ADK: variants seen among roughly 807,000 people sequenced by gnomAD.
ADK encodes the protein N6,N6-dimethyladenosine kinase.
Under a neutral mutation model 44.7 loss-of-function variants are expected in ADK, and 24 were observed. The observed-to-expected ratio is 0.54, with a 90% CI of 0.39 to 0.76. The LOEUF is 0.76. Ranked by LOEUF, ADK falls within the 30% of genes least tolerant of loss-of-function variation. ADK has a pLI of 0.00. For synonymous variants in ADK, 128 were observed against 142.6 expected (o/e 0.90, Z 0.73); for missense variants, 321 against 425.1 (o/e 0.76, Z 2.15).
intron 1 of ADK, among the ~76,000 whole-genome samples, chr10:74,161,285 T>G (rs1041814202): frequency 6.6e-6 from 1 of 152,156 alleles, no homozygotes; most frequent in Admixed American, 6.5e-5. Context: ...CACTGCAACA[T>G]TCACCTCTCA....
At chr10:74,387,126 G>A (rs974712899) in intron 4 of ADK, among the ~76,000 whole-genome samples, 7 of 152,030 alleles carry the variant, frequency 4.6e-5, no homozygotes, top group Non-Finnish European at 7.4e-5. Flanking sequence ...TAGTAGAGAC[G>A]GTGTTTCACC....
chr10:74,550,877 G>A (rs936787579), intron 7 of ADK, among the ~76,000 whole-genome samples: 6 of 152,044 alleles, frequency 3.9e-5, no homozygotes, highest in African/African-American at 1.5e-4. Context: ...TTAGAGACAA[G>A]GTCTCGCTAT....
intron 4 of ADK, among the ~76,000 whole-genome samples, chr10:74,365,746 A>G (rs1346754204): frequency 2.6e-5 from 4 of 152,138 alleles, no homozygotes; most frequent in African/African-American, 9.7e-5. Flanking sequence ...GCTGGGTCAT[A>G]TGGTAATTCT....
intron 9 of ADK, among the ~76,000 whole-genome samples, chr10:74,627,216 C>G (rs953229913): frequency 2.0e-5 from 3 of 152,118 alleles, no homozygotes; most frequent in African/African-American, 7.2e-5. Context: ...TGGCTCTTGC[C>G]TGTAATCCCA....
chr10:74,178,131 G>T (rs1245240786), intron 1 of ADK, among the ~76,000 whole-genome samples: 1 of 151,632 alleles, frequency 6.6e-6, no homozygotes, highest in Non-Finnish European at 1.5e-5. Flanking sequence ...AGTAGAGATG[G>T]GGGTTTCACC....
At chr10:74,475,439 G>A (rs1019446459) in intron 6 of ADK, among the ~76,000 whole-genome samples, 1 of 152,110 alleles carries the variant, frequency 6.6e-6, no homozygotes, top group Non-Finnish European at 1.5e-5. Flanking sequence ...GACCAGGCAT[G>A]GTGACTCAAT....
chr10:74,190,294 A>G (rs1180520337), intron 1 of ADK, among the ~76,000 whole-genome samples: 1 of 152,182 alleles, frequency 6.6e-6, no homozygotes, highest in Non-Finnish European at 1.5e-5. Flanking sequence ...GTTGGAGCAC[A>G]CTTTCAGCAC....
At chr10:74,175,107 A>G (rs529728011) in intron 1 of ADK, among the ~76,000 whole-genome samples, 54 of 152,344 alleles carry the variant, frequency 3.5e-4, no homozygotes, top group African/African-American at 1.3e-3. Context: ...TAAAAAAGGT[A>G]AAAAAGAGGC....
At chr10:74,306,816 C>A (rs1840266713) in intron 3 of ADK, among the ~76,000 whole-genome samples, 1 of 152,150 alleles carries the variant, frequency 6.6e-6, no homozygotes. Flanking sequence ...CTGAAACAGT[C>A]CACCAGAATG....
intron 4 of ADK, among the ~76,000 whole-genome samples, chr10:74,320,574 A>G (rs1487906893): frequency 6.6e-6 from 1 of 151,602 alleles, no homozygotes; most frequent in East Asian, 1.9e-4. Context: ...TTTTTCTTTT[A>G]TTTTCTCTTT....
intron 6 of ADK, among the ~76,000 whole-genome samples, chr10:74,523,801 C>T (rs991487060): frequency 2.6e-5 from 4 of 152,160 alleles, no homozygotes; most frequent in African/African-American, 9.7e-5. Context: ...AAACAATTGC[C>T]AAGTCCTGTA....
chr10:74,232,349 T>G (rs1006717133), intron 3 of ADK, among the ~76,000 whole-genome samples: 44 of 151,932 alleles, frequency 2.9e-4, no homozygotes, highest in African/African-American at 1.0e-3. Flanking sequence ...CGAAACCCTG[T>G]CTCTACTAAA....
chr10:74,580,798 C>A (rs1286220709), intron 7 of ADK, among the ~76,000 whole-genome samples: 3 of 152,084 alleles, frequency 2.0e-5, no homozygotes, highest in Admixed American at 1.3e-4. Context: ...ATATTCTACA[C>A]CTAAAACATA....
intron 10 of ADK, among the ~76,000 whole-genome samples, chr10:74,705,802 A>T (rs1386004147): frequency 6.6e-6 from 1 of 152,228 alleles, no homozygotes; most frequent in African/African-American, 2.4e-5. Flanking sequence ...CACTTGTTAT[A>T]GTCAGTCTTT....
intron 3 of ADK, among the ~76,000 whole-genome samples, chr10:74,250,555 T>C (rs956753278): frequency 1.3e-5 from 2 of 152,142 alleles, no homozygotes; most frequent in African/African-American, 4.8e-5. Context: ...TGGGGACCTG[T>C]GGAAGATTTT....
chr10:74,360,934 G>T (rs1355863645), intron 4 of ADK, among the ~76,000 whole-genome samples: 1 of 152,124 alleles, frequency 6.6e-6, no homozygotes, highest in East Asian at 1.9e-4. Flanking sequence ...TTGAGATGGA[G>T]CCTCACTCTG....
At chr10:74,243,164 G>A (rs1845288819) in intron 3 of ADK, among the ~76,000 whole-genome samples, 1 of 152,224 alleles carries the variant, frequency 6.6e-6, no homozygotes, top group African/African-American at 2.4e-5. Context: ...AAAGACCACT[G>A]TAACACTTTC....
chr10:74,327,399 G>A (rs1037739392), intron 4 of ADK, among the ~76,000 whole-genome samples: 1 of 152,106 alleles, frequency 6.6e-6, no homozygotes, highest in African/African-American at 2.4e-5. Flanking sequence ...TAAGACTTAT[G>A]TTGTGGCTTA....
At chr10:74,459,208 G>A (rs1009412602) in intron 6 of ADK, among the ~76,000 whole-genome samples, 1 of 151,502 alleles carries the variant, frequency 6.6e-6, no homozygotes. Flanking sequence ...TTGAACCCAG[G>A]AGGCAGAGGT....
Sources: gnomAD v4.1 joint callset for allele counts (sites outside exome capture counted in the v4.1 genomes callset) on GRCh38, gnomAD v4.1.1 for gene constraint, MANE v1.5 for transcripts, NCBI Gene and HGNC (gene_info 2026-07-23, HGNC 2026-07-21) for gene names.